Variants in EIF3K observed in about 807,000 individuals in gnomAD.
EIF3K encodes eukaryotic translation initiation factor 3 subunit K.
EIF3K carries 27 observed loss-of-function variants against 34.2 expected under a neutral mutation model. The ratio of observed to expected loss-of-function variants is 0.79; its 90% CI spans 0.58 to 1.09. EIF3K has a LOEUF of 1.09. EIF3K is among the 50% of genes least tolerant of loss of function. EIF3K has a pLI of 0.00. For synonymous variants in EIF3K, 105 were observed against 105.7 expected (o/e 0.99, Z 0.04); for missense variants, 232 against 275.4 (o/e 0.84, Z 1.11).
rs1381159416 is a variant in EIF3K at position 38,632,463 on chromosome 19, G to A, written c.388G>A (p.Gly130Ser). The A allele has an allele frequency of 1.2e-6, 2 of 1,614,086 alleles. No individual in the cohort carries two copies. The highest frequency in any genetic ancestry group is 1.3e-5 in the African/African-American group (1 of 74,932). ...GGATGAAAACATGGACCTCTTGGAA[G>A]GTATAACTGGCTTTGAAGACTCTGT... is the stretch of plus-strand genomic sequence containing the variant. The part of the protein sequence containing the change: ...ALDENMDLLE[G>S]ITGFEDSVRK... The change falls in exon 5 of 8, where the codon GGT (glycine) becomes AGT (serine). Residue 130 changes from glycine (G) to serine (S), a missense_variant. Coordinates refer to ENST00000248342, the MANE Select transcript of EIF3K (RefSeq NM_013234.4).
chr19:38,621,198 A>T lies in EIF3K; in HGVS notation c.158+763A>T, dbSNP rs1000353442. Among the ~76,000 whole-genome samples the T allele has an allele frequency of 3.1e-3, 350 of 112,080 alleles. 2 individuals are homozygous for T. Among genetic ancestry groups the T allele is most frequent in the East Asian group, 6.2e-3 (28 of 4,518 alleles). 73.5% of individuals were successfully genotyped at this position (112,080 alleles called of 152,430 possible). On this transcript the variant is annotated intron_variant, in intron 2 of 7. Coordinates refer to ENST00000248342, the MANE Select transcript of EIF3K (RefSeq NM_013234.4). ...GGGACAGAGTGAGACCCCTCTTTTT[A>T]AAAAAAAAAAAAAAAAAAAGAATTA... is the stretch of plus-strand genomic sequence containing the variant.
chr19:38,623,989 C>T, intron 2 of EIF3K, 88 bp from the exon 3 acceptor site: 1 of 1,589,824 alleles, frequency 6.3e-7, no homozygotes, highest in Non-Finnish European at 8.6e-7. Flanking sequence ...AATTCCCAAA[C>T]TCCAGAATAA....
intron 2 of EIF3K, among the ~76,000 whole-genome samples, 186 bp from the exon 3 acceptor site, chr19:38,623,891 T>G (rs958449359): frequency 2.6e-5 from 4 of 152,172 alleles, no homozygotes; most frequent in Non-Finnish European, 5.9e-5. Context: ...TAACTGTCCC[T>G]GTTCACAGAG....
rs1248655133 is a variant in EIF3K, at chr19:38,624,066, C to G, written c.159-11C>G. 2 of 1,614,050 alleles carry G rather than the reference C, an allele frequency of 1.2e-6. No individual in the cohort carries two copies. The highest frequency in any genetic ancestry group is 1.7e-5 in the Admixed American group (1 of 60,008). On this transcript the variant is annotated splice_polypyrimidine_tract_variant and intron_variant, in intron 2 of 7. Coordinates refer to ENST00000248342, the MANE Select transcript of EIF3K (RefSeq NM_013234.4). ...TGCCACTGTGGCCACGTCTCTTGTT[C>G]TTTTTCTTAGGTACCAGTTCAACCC...
chr19:38,621,197 T>A (rs1470643396), intron 2 of EIF3K, among the ~76,000 whole-genome samples: 235 of 120,086 alleles, frequency 2.0e-3, no homozygotes, highest in African/African-American at 5.5e-3. Context: ...CCCCTCTTTT[T>A]AAAAAAAAAA....
chr19:38,635,188 G>C, intron 7 of EIF3K, 70 bp downstream of exon 7: 2 of 1,606,402 alleles, frequency 1.2e-6, no homozygotes, highest in Non-Finnish European at 1.7e-6. Context: ...CGAGGCAGGG[G>C]CCCAGAGGAC....
In EIF3K at chr19:38,624,211, A is replaced by T. The variant is rs372163853; in HGVS notation, c.279+14A>T. The T allele has an allele frequency of 1.2e-5, 19 of 1,613,842 alleles. No individual in the cohort carries two copies. In the South Asian group the frequency reaches 2.1e-4, roughly 18 times the overall value. Reference sequence around the variant, plus strand: ...GACCAGGCACATGTATCCTTCCAGCACTGGGGCCGGGGGGTGTGTGGGAAG... The same window carrying T: ...GACCAGGCACATGTATCCTTCCAGCTCTGGGGCCGGGGGGTGTGTGGGAAG... On this transcript the variant is annotated intron_variant, in intron 3 of 7. Coordinates refer to ENST00000248342, the MANE Select transcript of EIF3K (RefSeq NM_013234.4).
At chr19:38,635,963 G>A (rs1468894511) in intron 7 of EIF3K, among the ~76,000 whole-genome samples, 1 of 152,192 alleles carries the variant, frequency 6.6e-6, no homozygotes, top group Non-Finnish European at 1.5e-5. Flanking sequence ...AGATGTGTTT[G>A]GTACAACGTG....
chr19:38,636,913 C>T lies in EIF3K; in HGVS notation c.650C>T (p.Ser217Phe), dbSNP rs766532978. The T allele has an allele frequency of 2.5e-6, 4 of 1,614,030 alleles. No homozygotes were observed. In the African/African-American group the frequency reaches 4.0e-5, roughly 16 times the overall value. Reference sequence around the variant, plus strand: ...GGTGTGTCCAGCATCATGGCCTCCTCCCAGTAACTTCAGGTGTTTAATAAA... The same window carrying T: ...GGTGTGTCCAGCATCATGGCCTCCTTCCAGTAACTTCAGGTGTTTAATAAA... ...FDSVSSIMAS[S>F]Q Residue 217 changes from serine to phenylalanine, a missense_variant, in exon 8 of 8, where the codon TCC becomes TTC. Ser to Phe is a radical substitution (Grantham distance 155). Transcript: ENST00000248342.
intron 4 of EIF3K, 49 bp from the exon 5 acceptor site, chr19:38,632,380 AG>A: frequency 6.4e-7 from 1 of 1,560,332 alleles, no homozygotes; most frequent in Non-Finnish European, 8.8e-7. Context: ...TAAAAATAAA[AG>A]CAAATAATTT....
intron 2 of EIF3K, among the ~76,000 whole-genome samples, chr19:38,622,099 CTT>C (rs761519463): frequency 5.3e-4 from 71 of 135,192 alleles, no homozygotes; most frequent in Admixed American, 5.2e-4. Context: ...TCTTTCTTTC[CTT>C]TTTTTTTTTT....
intron 7 of EIF3K, among the ~76,000 whole-genome samples, chr19:38,635,929 T>TTGAGTG (rs1976181405): frequency 6.6e-6 from 1 of 152,206 alleles, no homozygotes; most frequent in Non-Finnish European, 1.5e-5. Context: ...CCCCACCCGC[T>TTGAGTG]TGAGTGTGAT....
chr19:38,629,548 G>A (rs1976018202), intron 4 of EIF3K, among the ~76,000 whole-genome samples: 1 of 152,042 alleles, frequency 6.6e-6, no homozygotes, highest in Non-Finnish European at 1.5e-5. Flanking sequence ...CTCCTGCCTC[G>A]CCTCCCAAAG....
At chr19:38,624,487 C>T (rs555161560) in intron 3 of EIF3K, among the ~76,000 whole-genome samples, 7 of 152,204 alleles carry the variant, frequency 4.6e-5, no homozygotes, top group South Asian at 2.1e-4. Flanking sequence ...CCTCTAATCC[C>T]GGCACTTTGA....
rs1221792682 is a variant in EIF3K at position 38,629,259 on chromosome 19, TTTTG to T, written c.355-3159_355-3156del. ...TCCATGGAACAGATAGACAGGTTTTTTTTGTTTGTTTGTTTTGTTTTGTTTTGTT... is the reference window on the plus strand; with the variant it reads ...TCCATGGAACAGATAGACAGGTTTTTTTTGTTTGTTTTGTTTTGTTTTGTT... On this transcript the variant is annotated intron_variant, in intron 4 of 7. Transcript: ENST00000248342. Among the ~76,000 whole-genome samples the T allele has an allele frequency of 4.5e-3, 672 of 149,686 alleles. 6 individuals carry two copies. Among genetic ancestry groups the T allele is most frequent in the African/African-American group, 0.015 (599 of 40,806 alleles).
intron 4 of EIF3K, 93 bp from the exon 5 acceptor site, chr19:38,632,337 G>T: frequency 8.1e-7 from 1 of 1,237,212 alleles, no homozygotes; most frequent in Non-Finnish European, 1.2e-6. Context: ...ACCAGCCTGG[G>T]CAACGTAGTG....
chr19:38,626,384 T>C (rs1975952185), intron 4 of EIF3K: 3 of 405,860 alleles, frequency 7.4e-6, no homozygotes, highest in South Asian at 4.4e-5. Flanking sequence ...CTGGGTGTAG[T>C]GACTCACCCC....
At chr19:38,622,999 T>C (rs1273333556) in intron 2 of EIF3K, among the ~76,000 whole-genome samples, 2 of 152,200 alleles carry the variant, frequency 1.3e-5, no homozygotes, top group African/African-American at 4.8e-5. Context: ...AACACACATG[T>C]TGTGCAATTT....
intron 6 of EIF3K, among the ~76,000 whole-genome samples, chr19:38,633,136 G>T (rs575622014): frequency 2.6e-5 from 4 of 152,128 alleles, no homozygotes; most frequent in Admixed American, 2.6e-4. Context: ...GACTTGTAAC[G>T]TTCATGGGTA....
Sources: allele counts gnomAD v4.1 joint callset (sites outside exome capture counted in the v4.1 genomes callset), GRCh38; gene constraint gnomAD v4.1.1; transcripts MANE v1.5; gene names NCBI Gene and HGNC (gene_info 2026-07-23, HGNC 2026-07-21).